SETDB2: variants seen among roughly 807,000 people sequenced by gnomAD.
The protein encoded by SETDB2 is SET domain bifurcated histone lysine methyltransferase 2.
In SETDB2, 56 loss-of-function variants were observed where a neutral mutation model predicts 82.5. That is an observed-to-expected ratio of 0.68 (90% CI 0.55 to 0.85). The LOEUF (loss-of-function observed/expected upper bound fraction) is 0.85. Ranked by LOEUF, SETDB2 falls within the 40% of genes least tolerant of loss-of-function variation. SETDB2 has a pLI of 0.00. For missense variants in SETDB2, 677 were observed against 816.4 expected (o/e 0.83, Z 2.08); for synonymous variants, 272 against 284.9 (o/e 0.95, Z 0.46).
Position 49,476,160 on chromosome 13 carries a change from G to A in SETDB2, c.306-316G>A, listed in dbSNP as rs932334988. Among the ~76,000 whole-genome samples the A allele has an allele frequency of 5.9e-5, 9 of 152,240 alleles. No individual in the cohort carries two copies. The East Asian group carries it at 7.7e-4, about 13-fold the overall frequency. On this transcript the variant is annotated intron_variant, in intron 5 of 13. Coordinates refer to ENST00000611815, the MANE Select transcript of SETDB2 (RefSeq NM_001160308.3). Reference sequence around the variant, plus strand: ...ATTAGGTATAAGGCAGACCTGGTGCGTGCCTATACCAGCTATTTGGGAAGC... The same window carrying A: ...ATTAGGTATAAGGCAGACCTGGTGCATGCCTATACCAGCTATTTGGGAAGC...
intron 2 of SETDB2, chr13:49,459,776 T>C (rs953760061): frequency 1.8e-5 from 3 of 165,278 alleles, no homozygotes; most frequent in Non-Finnish European, 3.9e-5. Context: ...ATTATACCAC[T>C]GAGACTTTTT....
chr13:49,454,735 A>G (rs1397222335), intron 2 of SETDB2, among the ~76,000 whole-genome samples: 1 of 152,204 alleles, frequency 6.6e-6, no homozygotes, highest in African/African-American at 2.4e-5. Context: ...ACAACTGCAT[A>G]ATGTCATGCA....
At chr13:49,487,267 C>T (rs1958615278) in intron 11 of SETDB2, among the ~76,000 whole-genome samples, 1 of 152,044 alleles carries the variant, frequency 6.6e-6, no homozygotes, top group Non-Finnish European at 1.5e-5. Context: ...TTAGGTGGTC[C>T]AAATAGCTTT....
intron 2 of SETDB2, among the ~76,000 whole-genome samples, chr13:49,456,311 C>A (rs1957880988): frequency 6.6e-6 from 1 of 152,072 alleles, no homozygotes; most frequent in South Asian, 2.1e-4. Flanking sequence ...CAGTATTATT[C>A]ATGAGCATTG....
At chr13:49,473,266 G>A (rs1958286507) in intron 5 of SETDB2, among the ~76,000 whole-genome samples, 2 of 151,830 alleles carry the variant, frequency 1.3e-5, no homozygotes, top group South Asian at 2.1e-4. Context: ...ATTCATACCC[G>A]AGGCCAGGTG....
rs1328900238 is a variant in SETDB2, at chr13:49,476,911, T to C, written c.741T>C (p.Asn247=). The C allele has an allele frequency of 6.2e-7, 1 of 1,614,176 alleles. No individual in the cohort carries two copies. The highest frequency in any genetic ancestry group is 1.7e-5 in the Admixed American group (1 of 60,016). ...GVESVPISFC[N]EIDSRKLPQF... Reference sequence around the variant, plus strand: ...AATCAGTGCCCATTTCTTTCTGTAATGAAATTGACAGTAGAAAGCTCCCAC... The same window carrying C: ...AATCAGTGCCCATTTCTTTCTGTAACGAAATTGACAGTAGAAAGCTCCCAC... Residue 247 remains asparagine, a synonymous_variant, in exon 6 of 14, where the codon AAT becomes AAC. Coordinates refer to ENST00000611815, the MANE Select transcript of SETDB2 (RefSeq NM_001160308.3).
intron 1 of SETDB2, among the ~76,000 whole-genome samples, chr13:49,447,058 A>G (rs892016924): frequency 6.6e-6 from 1 of 152,178 alleles, no homozygotes; most frequent in Non-Finnish European, 1.5e-5. Flanking sequence ...ATTTTTGCCT[A>G]GTGATGGCTG....
At position 49,493,697 on chromosome 13, in the gene SETDB2, G is replaced by A. The variant is rs1364670386; in HGVS notation, c.*1848G>A. 6.6e-6 allele frequency: 1 copy of A among 152,122 alleles called. No homozygotes were observed. The highest frequency in any genetic ancestry group is 1.5e-5 in the Non-Finnish European group (1 of 68,028). 9.4% of individuals were successfully genotyped at this position (152,122 alleles called of 1,614,324 possible). ...ACCCTTATACCTGATTGCTGTTTTG[G>A]TTGGCAAGGTATAGGATTCTTTAGT... is the stretch of plus-strand genomic sequence containing the variant. On this transcript the variant is annotated 3_prime_UTR_variant, in exon 14 of 14. Coordinates refer to ENST00000611815, the MANE Select transcript of SETDB2 (RefSeq NM_001160308.3).
chr13:49,467,793 A>G (rs1958147222), intron 4 of SETDB2, 71 bp from the exon 5 acceptor site: 1 of 1,138,528 alleles, frequency 8.8e-7, no homozygotes, highest in Non-Finnish European at 1.2e-6. Flanking sequence ...CAATGAACAT[A>G]TTACTTGGGT....
At position 49,470,996 on chromosome 13, in the gene SETDB2, G is replaced by A. The variant is rs1362301733; in HGVS notation, c.305+3036G>A. ...TTTTTTTTTTTTTTGAGACAGCAGG[G>A]TCTCACTGTCTCGCTGGGTGGACTG... On this transcript the variant is annotated intron_variant, in intron 5 of 13. Coordinates refer to ENST00000611815, the MANE Select transcript of SETDB2 (RefSeq NM_001160308.3). Among the ~76,000 whole-genome samples, 4 of 113,970 alleles carry A rather than the reference G, an allele frequency of 3.5e-5. No homozygotes were observed. In the East Asian group the frequency reaches 7.9e-4, roughly 22 times the overall value. The allele number at this position is 113,970 out of a possible 152,430, so 74.8% of individuals were successfully genotyped here.
intron 5 of SETDB2, among the ~76,000 whole-genome samples, chr13:49,471,434 T>G (rs1250995007): frequency 6.6e-6 from 1 of 151,956 alleles, no homozygotes; most frequent in Admixed American, 6.6e-5. Context: ...TTTTTTTTTT[T>G]TTTGGTCAAG....
At chr13:49,465,652 T>C (rs929509824) in intron 4 of SETDB2, among the ~76,000 whole-genome samples, 1 of 152,142 alleles carries the variant, frequency 6.6e-6, no homozygotes, top group African/African-American at 2.4e-5. Flanking sequence ...TTCTCCTGCC[T>C]CAGCCTCTCG....
In SETDB2 at chr13:49,491,797, A is replaced by G; in HGVS notation, c.2072A>G (p.Lys691Arg). 6.2e-7 allele frequency: 1 copy of G among 1,613,400 alleles called. No homozygotes were observed. Residue 691 changes from lysine (K) to arginine (R), a missense_variant, in exon 14 of 14, where the codon AAG (lysine) becomes AGG (arginine). This residue lies in a region of SETDB2 where 420 missense variants were observed against 554.6 expected (regional missense o/e 0.76). Transcript: ENST00000611815. ...YGYEAGTVPE[K>R]EIFCQCGVNK... is the part of the protein sequence containing the mutation. ...TATGAAGCTGGGACTGTGCCTGAGA[A>G]GGAAATCTTCTGCCAATGTGGGGTT...
intron 5 of SETDB2, among the ~76,000 whole-genome samples, chr13:49,474,559 GATT>G (rs1244025070): frequency 6.6e-6 from 1 of 152,222 alleles, no homozygotes; most frequent in African/African-American, 2.4e-5. Flanking sequence ...TTATAGCAAA[GATT>G]ATTACAATAA....
At chr13:49,486,640 T>C (rs1958603624) in intron 11 of SETDB2, among the ~76,000 whole-genome samples, 1 of 152,220 alleles carries the variant, frequency 6.6e-6, no homozygotes, top group Non-Finnish European at 1.5e-5. Context: ...CACATCACTT[T>C]CCTGCAATTG....
rs9562885 is a variant in SETDB2 at position 49,489,194 on chromosome 13, C to T, written c.1917+564C>T. 1.6e-4 allele frequency: 24 copies of T among 154,234 alleles called. No individual in the cohort carries two copies. In the South Asian group the frequency reaches 4.8e-3, roughly 31 times the overall value. The allele number at this position is 154,234 out of a possible 1,614,324, so 9.6% of individuals were successfully genotyped here. On this transcript the variant is annotated intron_variant, in intron 12 of 13. Transcript: ENST00000611815. ...TCTCAGCTCACTGCAACCTCCGCTT[C>T]TGGGGTTCAAGCAATTCTCATGCCT...
At position 49,460,177 on chromosome 13, in the gene SETDB2, A is replaced by G. The variant is rs1418642685; in HGVS notation, c.87A>G (p.Gln29=). Residue 29 remains glutamine (Q), a synonymous_variant, in exon 3 of 14, where the codon CAA becomes CAG. Coordinates refer to ENST00000611815, the MANE Select transcript of SETDB2 (RefSeq NM_001160308.3). ...TGGACTTCATTTTTGAACAAGTACA[A>G]AATGTGCTGCAGTCACTGAAACAAA... ...GKVDFIFEQV[Q]NVLQSLKQKI... 1 of 1,613,506 alleles carries G rather than the reference A, an allele frequency of 6.2e-7. No individual in the cohort carries two copies.
intron 4 of SETDB2, among the ~76,000 whole-genome samples, chr13:49,467,290 G>A (rs1333201094): frequency 6.6e-6 from 1 of 152,046 alleles, no homozygotes; most frequent in Admixed American, 6.6e-5. Flanking sequence ...AACTACTGGA[G>A]AGGCTGCGGC....
chr13:49,460,209 A>C lies in SETDB2; in HGVS notation c.119A>C (p.Lys40Thr), dbSNP rs1459676726. 3 of 1,612,880 alleles carry C rather than the reference A, an allele frequency of 1.9e-6. No individual in the cohort carries two copies. The highest frequency in any genetic ancestry group is 2.7e-5 in the African/African-American group (2 of 74,906). ...NVLQSLKQKI[K>T]DGSATNKEYI... ...CTGCAGTCACTGAAACAAAAGATCA[A>C]AGATGGGTCTGCCACCAATAAAGGT... is the stretch of plus-strand genomic sequence containing the variant. The change falls in exon 3 of 14, where the codon AAA (lysine) becomes ACA (threonine). Residue 40 changes from lysine (K) to threonine (T), a missense_variant. Lys to Thr is a moderately conservative substitution (Grantham distance 78, BLOSUM62 -1). Around this residue, in one of 3 missense-constraint regions of SETDB2, gnomAD observed 243 missense variants for 237.2 expected, o/e 1.02. Coordinates refer to ENST00000611815, the MANE Select transcript of SETDB2 (RefSeq NM_001160308.3).
Sources: gnomAD v4.1 joint callset for allele counts (sites outside exome capture counted in the v4.1 genomes callset) on GRCh38, gnomAD v4.1.1 for gene constraint, gnomAD v4.1.1 regional missense constraint, MANE v1.5 for transcripts, NCBI Gene and HGNC (gene_info 2026-07-23, HGNC 2026-07-21) for gene names.